Variants in FOXO1 observed in about 807,000 individuals in gnomAD.
FOXO1 encodes the protein forkhead box O1.
Under a neutral mutation model 44.1 loss-of-function variants are expected in FOXO1, and 6 were observed. That is an observed-to-expected ratio of 0.14 (90% confidence interval 0.07 to 0.27). FOXO1 has a LOEUF of 0.27. Among genes scored for constraint, FOXO1 ranks in the 10% least tolerant of loss-of-function variants. The probability of loss-of-function intolerance (pLI) is 1.00; values close to 1 mark genes in which losing one functional copy is unlikely to be tolerated. For missense variants in FOXO1, 737 were observed against 888.8 expected, an observed-to-expected ratio of 0.83 and a Z score of 2.17; for synonymous variants, 380 against 362.7, an observed-to-expected ratio of 1.05 and a Z score of -0.54.
At chr13:40,566,401 C>G (rs557516166) in intron 1 of FOXO1, among the ~76,000 whole-genome samples, 12 of 148,866 alleles carry the variant, frequency 8.1e-5, no homozygotes, top group Non-Finnish European at 1.5e-4. Context: ...TTTTTAAAGA[C>G]AGAGTCTCAC....
At chr13:40,624,104 T>C (rs1876707405) in intron 1 of FOXO1, among the ~76,000 whole-genome samples, 1 of 151,112 alleles carries the variant, frequency 6.6e-6, no homozygotes, top group Non-Finnish European at 1.5e-5. Context: ...ATTGTCTCAA[T>C]AAATAAAAAT....
At chr13:40,566,379 AT>A (rs372577431) in intron 1 of FOXO1, among the ~76,000 whole-genome samples, 489 of 141,904 alleles carry the variant, frequency 3.4e-3, no homozygotes, top group Non-Finnish European at 3.6e-3. Context: ...ATTGACTTTC[AT>A]TTTTTTTTTT....
At chr13:40,573,267 C>G (rs1874615490) in intron 1 of FOXO1, among the ~76,000 whole-genome samples, 1 of 152,178 alleles carries the variant, frequency 6.6e-6, no homozygotes. Context: ...CAGATGTGGG[C>G]ACATCTGTGT....
rs752153772 is a variant in FOXO1 at position 40,636,676 on chromosome 13, C to T, written c.630+28907G>A. Among the ~76,000 whole-genome samples the T allele has an allele frequency of 1.9e-4, 29 of 152,100 alleles. 1 individual carries two copies. The highest frequency in any genetic ancestry group is 3.5e-4 in the Non-Finnish European group (24 of 68,014). ...AGCTGAGATTACAGGCATGCACCAC[C>T]ACACCCAGCTGACTTTTGTATTTTT... On this transcript the variant is annotated intron_variant, in intron 1 of 2. Transcript: ENST00000379561.
Position 40,559,003 on chromosome 13 carries a change from G to A in FOXO1, c.*46C>T, listed in dbSNP as rs1873871448. The A allele has an allele frequency of 2.5e-6, 1 of 397,130 alleles. No individual in the cohort carries two copies. The highest frequency in any genetic ancestry group is 4.4e-6 in the Non-Finnish European group (1 of 225,778). The allele number at this position is 397,130 out of a possible 1,614,324, so 24.6% of individuals were successfully genotyped here. ...TGGACTGCTTCTCTCAGTTCCTGCT[G>A]TCAGACAATCTGAAGTACTTTTAAG... On this transcript the variant is annotated 3_prime_UTR_variant, in exon 3 of 3. Transcript: ENST00000379561.
At chr13:40,644,432 A>G (rs1877449648) in intron 1 of FOXO1, among the ~76,000 whole-genome samples, 1 of 152,186 alleles carries the variant, frequency 6.6e-6, no homozygotes, top group Non-Finnish European at 1.5e-5. Context: ...CTAGGAGAGA[A>G]AAGTAGGGTG....
chr13:40,641,888 A>C (rs1211201204), intron 1 of FOXO1, among the ~76,000 whole-genome samples: 1 of 152,176 alleles, frequency 6.6e-6, no homozygotes, highest in African/African-American at 2.4e-5. Context: ...TGGGAGGCTG[A>C]GGTGAGAGGA....
In FOXO1 at chr13:40,599,620, G is replaced by C. The variant is rs575913716; in HGVS notation, c.631-38760C>G. Among the ~76,000 whole-genome samples, 7 of 152,208 alleles carry C rather than the reference G, an allele frequency of 4.6e-5. No individual in the cohort carries two copies. The East Asian group carries it at 1.3e-3, about 29-fold the overall frequency. On this transcript the variant is annotated intron_variant, in intron 1 of 2. Transcript: ENST00000379561. ...CTTTGTGAGCCTGGCTTTTTTCATT[G>C]AGTGGTTCTAGATAGGGTGGGTACG...
chr13:40,619,502 A>G, intron 1 of FOXO1: 1 of 1,322,780 alleles, frequency 7.6e-7, no homozygotes, highest in Non-Finnish European at 1.1e-6. Context: ...TTTAGTTTGG[A>G]AATCCACATA....
rs1335631711 is a variant in FOXO1 at position 40,666,011 on chromosome 13, C to T, written c.202G>A (p.Ala68Thr). Reference protein sequence around the residue: ...LPSASAAAVSADFMSNLSLLE... With the variant: ...LPSASAAAVSTDFMSNLSLLE... The stretch of plus-strand genomic sequence containing the variant: ...AAGCTCAGGTTGCTCATGAAGTCGG[C>T]GCTGACAGCGGCAGCCGAGGCCGAG... Residue 68 changes from alanine (A) to threonine (T), a missense_variant, in exon 1 of 3, where the codon GCC becomes ACC. Transcript: ENST00000379561. The T allele has an allele frequency of 7.9e-7, 1 of 1,270,958 alleles. No individual in the cohort carries two copies. Among genetic ancestry groups the T allele is most frequent in the Non-Finnish European group, 9.9e-7 (1 of 1,010,214 alleles). The allele number at this position is 1,270,958 out of a possible 1,614,324, so 78.7% of individuals were successfully genotyped here.
intron 1 of FOXO1, among the ~76,000 whole-genome samples, chr13:40,622,466 C>T (rs542193207): frequency 6.6e-6 from 1 of 152,342 alleles, no homozygotes; most frequent in South Asian, 2.1e-4. Flanking sequence ...ACCACCACCA[C>T]TACCTTCAGG....
chr13:40,615,857 G>C (rs1876406262), intron 1 of FOXO1, among the ~76,000 whole-genome samples: 1 of 152,178 alleles, frequency 6.6e-6, no homozygotes, highest in African/African-American at 2.4e-5. Context: ...CTGTAATAAA[G>C]AGCCTTGCAG....
intron 1 of FOXO1, chr13:40,611,082 T>G (rs1876211059): frequency 2.2e-6 from 1 of 456,148 alleles, no homozygotes; most frequent in Non-Finnish European, 4.4e-6. Flanking sequence ...AAATAAATGC[T>G]TATTCAGTGG....
intron 1 of FOXO1, among the ~76,000 whole-genome samples, chr13:40,637,387 T>C (rs1369664577): frequency 7.6e-6 from 1 of 131,618 alleles, no homozygotes; most frequent in Non-Finnish European, 1.5e-5. Flanking sequence ...GAGGTTGCAG[T>C]GAGCCAAGAT....
chr13:40,578,909 T>A (rs1015634879), intron 1 of FOXO1, among the ~76,000 whole-genome samples: 1 of 152,232 alleles, frequency 6.6e-6, no homozygotes, highest in Non-Finnish European at 1.5e-5. Flanking sequence ...CCCGCGCTTC[T>A]TGACAGACTA....
rs879575006 is a variant in FOXO1, at chr13:40,623,123, T to TA, written c.630+42459dup. Among the ~76,000 whole-genome samples the TA allele has an allele frequency of 2.8e-3, 401 of 144,392 alleles. 5 individuals carry two copies. The highest frequency in any genetic ancestry group is 0.021 in the East Asian group (106 of 4,994). 94.7% of individuals were successfully genotyped at this position (144,392 alleles called of 152,430 possible). ...CTCTAAGTTATCCAATGGGAATGTT[T>TA]AAAAAAAAAAAAGGAATACAGTTAA... On this transcript the variant is annotated intron_variant, in intron 1 of 2. Transcript: ENST00000379561.
At position 40,666,020 on chromosome 13, in the gene FOXO1, CGGCA is replaced by C; in HGVS notation, c.189_192del (p.Ala64LeufsTer7). 7.8e-7 allele frequency: 1 copy of C among 1,275,498 alleles called. No individual in the cohort carries two copies. Among genetic ancestry groups the C allele is most frequent in the East Asian group, 3.2e-5 (1 of 31,662 alleles). 79.0% of individuals were successfully genotyped at this position (1,275,498 alleles called of 1,614,324 possible). On this transcript the variant is annotated frameshift_variant, in exon 1 of 3. Transcript: ENST00000379561. LOFTEE classifies it high-confidence loss of function. ...TTGCTCATGAAGTCGGCGCTGACAGCGGCAGCCGAGGCCGAGGGCAGGCCCGCCG... is the reference window on the plus strand; with the variant it reads ...TTGCTCATGAAGTCGGCGCTGACAGCGCCGAGGCCGAGGGCAGGCCCGCCG...
intron 1 of FOXO1, among the ~76,000 whole-genome samples, chr13:40,610,865 G>A (rs1265473053): frequency 6.6e-6 from 1 of 152,136 alleles, no homozygotes; most frequent in African/African-American, 2.4e-5. Context: ...ACTACATCAA[G>A]ATAAACTGCT....
chr13:40,590,348 A>G (rs76641606), intron 1 of FOXO1, among the ~76,000 whole-genome samples: 1 of 152,292 alleles, frequency 6.6e-6, no homozygotes, highest in African/African-American at 2.4e-5. Context: ...CGCAAACAGA[A>G]ACCTTCTCCT....
Sources: allele counts gnomAD v4.1 joint callset (sites outside exome capture counted in the v4.1 genomes callset), GRCh38; gene constraint gnomAD v4.1.1; transcripts MANE v1.5; gene names NCBI Gene and HGNC (gene_info 2026-07-23, HGNC 2026-07-21).